MECOM: variants seen among roughly 807,000 people sequenced by gnomAD.
The protein encoded by MECOM is histone-lysine N-methyltransferase MECOM.
In MECOM, 13 loss-of-function variants were observed where a neutral mutation model predicts 116.3. The observed-to-expected ratio is 0.11, with a 90% CI of 0.07 to 0.18. The LOEUF is 0.18. Ranked by LOEUF, MECOM falls within the 10% of genes least tolerant of loss-of-function variation. MECOM has a pLI of 1.00. For synonymous variants in MECOM, 528 were observed against 535.2 expected (o/e 0.99, Z 0.19); for missense variants, 1,299 against 1,509.0 (o/e 0.86, Z 2.31).
rs369820855 is a variant in MECOM, at chr3:169,099,982, G to T, written c.2849+903C>A. Among the ~76,000 whole-genome samples, 10 of 151,554 alleles carry T rather than the reference G, an allele frequency of 6.6e-5. No homozygotes were observed. In the East Asian group the frequency reaches 1.7e-3, roughly 26 times the overall value. ...AATTTAGGAAATTATTGATAAAATT[G>T]CCCGTTTTTCTATAATATACTCTAT... On this transcript the variant is annotated intron_variant, in intron 12 of 16. Transcript: ENST00000651503.
At chr3:169,163,186 G>C (rs2149352851) in intron 2 of MECOM, among the ~76,000 whole-genome samples, 1 of 152,296 alleles carries the variant, frequency 6.6e-6, no homozygotes, top group South Asian at 2.1e-4. Flanking sequence ...GATTGGATAT[G>C]TAGGCAAAAG....
At position 169,286,922 on chromosome 3, in the gene MECOM, C is replaced by T. The variant is rs552682202; in HGVS notation, c.375+94265G>A. ...GAACTTATACCTTTATCTGAAATCACTGGGAAGGCAGCTACTTAAACAATA... is the reference window on the plus strand; with the variant it reads ...GAACTTATACCTTTATCTGAAATCATTGGGAAGGCAGCTACTTAAACAATA... On this transcript the variant is annotated intron_variant, in intron 2 of 16. Transcript: ENST00000651503. Among the ~76,000 whole-genome samples the T allele has an allele frequency of 1.4e-4, 22 of 152,172 alleles. No individual in the cohort carries two copies. In the South Asian group the frequency reaches 4.0e-3, roughly 27 times the overall value.
At chr3:169,280,948 C>A (rs1467016843) in intron 2 of MECOM, among the ~76,000 whole-genome samples, 1 of 152,184 alleles carries the variant, frequency 6.6e-6, no homozygotes, top group Non-Finnish European at 1.5e-5. Context: ...GACTGATTAA[C>A]TCTTCGTGGT....
chr3:169,647,043 T>A (rs1382336356), intron 1 of MECOM, among the ~76,000 whole-genome samples: 5 of 152,218 alleles, frequency 3.3e-5, no homozygotes, highest in Non-Finnish European at 5.9e-5. Context: ...TTTCTTTAAG[T>A]TAAAGTGTCT....
At chr3:169,157,302 A>G (rs1202597979) in intron 2 of MECOM, among the ~76,000 whole-genome samples, 1 of 152,226 alleles carries the variant, frequency 6.6e-6, no homozygotes, top group Admixed American at 6.5e-5. Context: ...TGTCTGTTAC[A>G]GCGTTAAGAA....
Position 169,090,164 on chromosome 3 carries a change from T to C in MECOM, c.3237A>G (p.Glu1079=). Reference sequence around the variant, plus strand: ...CTAACAACACCTCATCTTCAACTTCTTCATCATCCAGCAAGTCTGAATTTT... The same window carrying C: ...CTAACAACACCTCATCTTCAACTTCCTCATCATCCAGCAAGTCTGAATTTT... ...TSQNSDLLDD[E]EVEDEVLLDE... The change falls in exon 15 of 17, where the codon GAA becomes GAG. Residue 1079 remains glutamate (E), a synonymous_variant. Transcript: ENST00000651503. The C allele has an allele frequency of 6.2e-7, 1 of 1,613,558 alleles. No individual in the cohort carries two copies. The highest frequency in any genetic ancestry group is 1.1e-5 in the South Asian group (1 of 91,042).
intron 2 of MECOM, among the ~76,000 whole-genome samples, chr3:169,208,207 A>ATG (rs147356930): frequency 0.13 from 19,435 of 147,850 alleles, 1,432 homozygotes; most frequent in East Asian, 0.3. Flanking sequence ...ATATATATAT[A>ATG]TGTGTGTGTG....
intron 1 of MECOM, among the ~76,000 whole-genome samples, chr3:169,419,089 T>C (rs907537837): frequency 1.3e-5 from 2 of 152,190 alleles, no homozygotes; most frequent in Non-Finnish European, 2.9e-5. Context: ...CAAGCATTCC[T>C]ATACACCAAT....
chr3:169,313,350 T>A (rs1719149549), intron 2 of MECOM, among the ~76,000 whole-genome samples: 1 of 151,868 alleles, frequency 6.6e-6, no homozygotes, highest in African/African-American at 2.4e-5. Context: ...ATAGCTGGAG[T>A]GGTAAGTAGG....
intron 1 of MECOM, among the ~76,000 whole-genome samples, chr3:169,442,066 C>A (rs192763562): frequency 4.3e-4 from 65 of 152,296 alleles, no homozygotes; most frequent in Middle Eastern, 3.4e-3. Flanking sequence ...GCTGGGATTA[C>A]AGGCACATGC....
chr3:169,311,062 C>A (rs1181960136), intron 2 of MECOM, among the ~76,000 whole-genome samples: 6 of 152,192 alleles, frequency 3.9e-5, no homozygotes, highest in African/African-American at 1.4e-4. Context: ...ATGGCTGTGG[C>A]AGTTATATCA....
intron 2 of MECOM, among the ~76,000 whole-genome samples, chr3:169,155,954 T>C (rs6444841): frequency 0.071 from 10,836 of 152,274 alleles, 503 homozygotes; most frequent in South Asian, 0.19. Flanking sequence ...TTTTACAGTA[T>C]GTAATATTAA....
chr3:169,617,646 G>A (rs957383043), intron 1 of MECOM, among the ~76,000 whole-genome samples: 5 of 152,112 alleles, frequency 3.3e-5, no homozygotes, highest in South Asian at 2.1e-4. Flanking sequence ...CTTGGTCTGC[G>A]GTGCCTTTGG....
chr3:169,178,516 G>T (rs1745503683), intron 2 of MECOM, among the ~76,000 whole-genome samples: 1 of 152,144 alleles, frequency 6.6e-6, no homozygotes, highest in African/African-American at 2.4e-5. Context: ...GAAGCTTGGG[G>T]AGGACAATGT....
chr3:169,314,140 C>T (rs1318887885), intron 2 of MECOM, among the ~76,000 whole-genome samples: 1 of 152,238 alleles, frequency 6.6e-6, no homozygotes, highest in Non-Finnish European at 1.5e-5. Flanking sequence ...TCCTTGTCTT[C>T]TTCACAAGGT....
intron 1 of MECOM, among the ~76,000 whole-genome samples, chr3:169,561,124 C>A (rs1318364975): frequency 6.6e-6 from 1 of 151,440 alleles, no homozygotes; most frequent in Non-Finnish European, 1.5e-5. Flanking sequence ...AATATAATTC[C>A]ATGTCATAAT....
At chr3:169,197,897 G>T (rs1399508022) in intron 2 of MECOM, among the ~76,000 whole-genome samples, 1 of 152,020 alleles carries the variant, frequency 6.6e-6, no homozygotes, top group Non-Finnish European at 1.5e-5. Flanking sequence ...ATCTTTCAAT[G>T]ATATTTCTTA....
rs10576266 is a variant in MECOM at position 169,180,794 on chromosome 3, G to GATATATATATATATATATATATAT, written c.376-36963_376-36962insATATATATATATATATATATATAT. On this transcript the variant is annotated intron_variant, in intron 2 of 16. Transcript: ENST00000651503. ...TATGTATGTGTGTGTGTGTGGAGAT[G>GATATATATATATATATATATATAT]ATATATATATATATATATATCAGGC... Among the ~76,000 whole-genome samples the GATATATATATATATATATATATAT allele has an allele frequency of 3.1e-3, 341 of 108,686 alleles. 14 individuals are homozygous for GATATATATATATATATATATATAT. Among genetic ancestry groups the GATATATATATATATATATATATAT allele is most frequent in the African/African-American group, 4.6e-3 (143 of 31,088 alleles). The allele number at this position is 108,686 out of a possible 152,430, so 71.3% of individuals were successfully genotyped here. A position where few individuals can be genotyped will look rare whatever the true frequency, so the allele number is the denominator to read the frequency against.
intron 1 of MECOM, among the ~76,000 whole-genome samples, chr3:169,522,476 A>G (rs1757468141): frequency 6.6e-6 from 1 of 152,180 alleles, no homozygotes; most frequent in Non-Finnish European, 1.5e-5. Context: ...CTTGGTTCAT[A>G]GTGAGCAAAC....
Sources: allele counts gnomAD v4.1 joint callset (sites outside exome capture counted in the v4.1 genomes callset), GRCh38; gene constraint gnomAD v4.1.1; transcripts MANE v1.5; gene names NCBI Gene and HGNC (gene_info 2026-07-23, HGNC 2026-07-21).